Variants in NAALADL2 observed in about 807,000 individuals in gnomAD.
NAALADL2 encodes N-acetylated alpha-linked acidic dipeptidase like 2.
Under a neutral mutation model 87.2 loss-of-function variants are expected in NAALADL2, and 76 were observed. That is an observed-to-expected ratio of 0.87 (90% CI 0.72 to 1.05). The LOEUF is 1.05. NAALADL2 is among the 50% of genes least tolerant of loss of function. The pLI is 0.00. For synonymous variants in NAALADL2, 354 were observed against 331.0 expected (o/e 1.07, Z -0.75); for missense variants, 1,089 against 945.8 (o/e 1.15, Z -1.99).
intron 8 of NAALADL2, among the ~76,000 whole-genome samples, chr3:175,471,109 A>G (rs1724794924): frequency 6.6e-6 from 1 of 152,140 alleles, no homozygotes; most frequent in African/African-American, 2.4e-5. Context: ...ATTTTATTAT[A>G]TATCTAACTC....
chr3:175,131,797 CG>C (rs1038449321), intron 2 of NAALADL2, among the ~76,000 whole-genome samples: 1 of 132,322 alleles, frequency 7.6e-6, no homozygotes, highest in Non-Finnish European at 1.6e-5. Flanking sequence ...CCCTCCCGGA[CG>C]GGGGGCCTGG....
At chr3:174,890,121 C>T (rs938702851) in intron 1 of NAALADL2, among the ~76,000 whole-genome samples, 2 of 152,026 alleles carry the variant, frequency 1.3e-5, no homozygotes, top group Non-Finnish European at 2.9e-5. Context: ...ATAACCATCA[C>T]GATGACGTTT....
chr3:174,694,582 G>T (rs936294465), intron 2 of NAALADL2, among the ~76,000 whole-genome samples: 3 of 151,978 alleles, frequency 2.0e-5, no homozygotes, highest in Non-Finnish European at 4.4e-5. Flanking sequence ...TACAAATGAA[G>T]AAAAGATTCT....
At chr3:174,461,497 G>A (rs1240835572) in intron 1 of NAALADL2, among the ~76,000 whole-genome samples, 1 of 151,958 alleles carries the variant, frequency 6.6e-6, no homozygotes, top group Non-Finnish European at 1.5e-5. Context: ...TTTTTCCTTG[G>A]TTTAAGATTT....
chr3:175,171,346 C>T (rs2108911588), intron 2 of NAALADL2, among the ~76,000 whole-genome samples: 1 of 152,140 alleles, frequency 6.6e-6, no homozygotes, highest in Admixed American at 6.6e-5. Context: ...TTTTGCCATC[C>T]TAACGATGGA....
chr3:175,714,669 T>C (rs1233022190), intron 11 of NAALADL2, among the ~76,000 whole-genome samples: 1 of 152,198 alleles, frequency 6.6e-6, no homozygotes, highest in Non-Finnish European at 1.5e-5. Context: ...CGTTCTCCAA[T>C]TCTGTAGGTT....
In NAALADL2 at chr3:175,698,483, T is replaced by TTTTATATATATATATATATATATATATA. The variant is rs1398396262; in HGVS notation, c.1897-38822_1897-38821insTTATATATATATATATATATATATATAT. ...TGTGTATATATGTGTGTATATATAT[T>TTTTATATATATATATATATATATATATA]TATATATATATATATATATAAAATC... On this transcript the variant is annotated intron_variant, in intron 11 of 13. Transcript: ENST00000454872. Among the ~76,000 whole-genome samples the TTTTATATATATATATATATATATATATA allele has an allele frequency of 7.2e-4, 49 of 67,726 alleles. 1 individual carries two copies. Among genetic ancestry groups the TTTTATATATATATATATATATATATATA allele is most frequent in the African/African-American group, 4.3e-3 (47 of 11,044 alleles). 44.4% of individuals were successfully genotyped at this position (67,726 alleles called of 152,430 possible). A position where few individuals can be genotyped will look rare whatever the true frequency, so the allele number is the denominator to read the frequency against.
intron 9 of NAALADL2, among the ~76,000 whole-genome samples, chr3:175,567,198 TAAGTG>T (rs1717287344): frequency 6.6e-6 from 1 of 152,154 alleles, no homozygotes; most frequent in Non-Finnish European, 1.5e-5. Context: ...CACGAAGTCT[TAAGTG>T]GAGAGAGAAA....
intron 2 of NAALADL2, among the ~76,000 whole-genome samples, chr3:174,584,324 G>A (rs781409752): frequency 6.6e-6 from 1 of 152,088 alleles, no homozygotes; most frequent in Non-Finnish European, 1.5e-5. Flanking sequence ...CTGGGTGTAG[G>A]GTGTAGAGCA....
In NAALADL2 at chr3:175,185,101, A is replaced by T. The variant is rs1254455739; in HGVS notation, c.546-48830A>T. 3.9e-5 allele frequency among the ~76,000 whole-genome samples: 6 copies of T among 152,074 alleles called. No individual in the cohort carries two copies. In the East Asian group the frequency reaches 1.2e-3, roughly 29 times the overall value. On this transcript the variant is annotated intron_variant, in intron 2 of 13. Transcript: ENST00000454872. ...CTGAAACATAGCTATTGCCTGTGAC[A>T]TGCTATGCTGGGAAGATACTCTGAT...
At chr3:174,711,075 C>A (rs748744392) in intron 2 of NAALADL2, among the ~76,000 whole-genome samples, 2 of 152,166 alleles carry the variant, frequency 1.3e-5, no homozygotes, top group Non-Finnish European at 2.9e-5. Context: ...CTATGAAATT[C>A]TCATGTCTAT....
intron 9 of NAALADL2, among the ~76,000 whole-genome samples, chr3:175,553,343 G>A (rs530051621): frequency 1.2e-4 from 19 of 152,210 alleles, no homozygotes; most frequent in African/African-American, 4.6e-4. Flanking sequence ...CATAAGGGAT[G>A]AGAAGATTTT....
intron 5 of NAALADL2, among the ~76,000 whole-genome samples, chr3:175,372,286 C>T (rs1189715969): frequency 2.0e-5 from 3 of 152,206 alleles, no homozygotes; most frequent in Non-Finnish European, 4.4e-5. Context: ...CTTGCTCACG[C>T]TCTGCCTTCT....
intron 2 of NAALADL2, among the ~76,000 whole-genome samples, chr3:174,669,893 G>C (rs1726361625): frequency 6.6e-6 from 1 of 151,756 alleles, no homozygotes; most frequent in Admixed American, 6.6e-5. Flanking sequence ...TCTCTTATTT[G>C]TGTCTTTTTT....
chr3:175,413,985 A>T (rs1374274158), intron 5 of NAALADL2, among the ~76,000 whole-genome samples: 1 of 152,156 alleles, frequency 6.6e-6, no homozygotes, highest in Admixed American at 6.5e-5. Context: ...TCTTCTACCC[A>T]GTGTTTCCTT....
At chr3:175,682,882 C>T (rs903958469) in intron 11 of NAALADL2, among the ~76,000 whole-genome samples, 5 of 151,950 alleles carry the variant, frequency 3.3e-5, no homozygotes, top group African/African-American at 7.2e-5. Flanking sequence ...GTTTGTTTAG[C>T]CTATCTGACA....
chr3:174,884,361 A>G (rs1729800424), intron 1 of NAALADL2, among the ~76,000 whole-genome samples: 1 of 152,060 alleles, frequency 6.6e-6, no homozygotes, highest in South Asian at 2.1e-4. Context: ...CCTAGTTGGG[A>G]TTGTAATTGT....
intron 9 of NAALADL2, among the ~76,000 whole-genome samples, chr3:175,473,998 T>C (rs1187743654): frequency 1.3e-5 from 2 of 152,288 alleles, no homozygotes; most frequent in East Asian, 1.9e-4. Flanking sequence ...TCCCTAGAGG[T>C]TGTACGAATT....
At chr3:174,778,132 A>G (rs914113889) in intron 3 of NAALADL2, among the ~76,000 whole-genome samples, 5 of 152,212 alleles carry the variant, frequency 3.3e-5, no homozygotes, top group Non-Finnish European at 7.4e-5. Context: ...TAGACTTTCC[A>G]TGATCTCAAA....
Sources: gnomAD v4.1 joint callset for allele counts (sites outside exome capture counted in the v4.1 genomes callset) on GRCh38, gnomAD v4.1.1 for gene constraint, MANE v1.5 for transcripts, NCBI Gene and HGNC (gene_info 2026-07-23, HGNC 2026-07-21) for gene names.